RBFOX1: variants seen among roughly 807,000 people sequenced by gnomAD.
RBFOX1 encodes RNA binding fox-1 homolog 1.
In RBFOX1, 8 loss-of-function variants were observed where a neutral mutation model predicts 57.7. That is an observed-to-expected ratio of 0.14 (90% CI 0.08 to 0.25). The LOEUF (loss-of-function observed/expected upper bound fraction) is 0.25. RBFOX1 is among the 10% of genes least tolerant of loss of function. The pLI is 1.00. For missense variants in RBFOX1, 611 were observed against 548.5 expected, an observed-to-expected ratio of 1.11 and a Z score of -1.14; for synonymous variants, 326 against 222.4, an observed-to-expected ratio of 1.47 and a Z score of -4.15.
chr16:7,281,760 A>G (rs1358373750), intron 4 of RBFOX1, among the ~76,000 whole-genome samples: 1 of 152,130 alleles, frequency 6.6e-6, no homozygotes, highest in Non-Finnish European at 1.5e-5. Context: ...AGTTTGCTTG[A>G]GTTTGAATCC....
At chr16:6,605,235 A>G (rs1428605912) in intron 2 of RBFOX1, among the ~76,000 whole-genome samples, 3 of 150,030 alleles carry the variant, frequency 2.0e-5, no homozygotes, top group Non-Finnish European at 2.9e-5. Context: ...CTCTCTCAAA[A>G]TAAAATAATA....
At position 6,842,539 on chromosome 16, in the gene RBFOX1, A is replaced by G. The variant is rs181073843; in HGVS notation, c.-16+187889A>G. On this transcript the variant is annotated intron_variant, in intron 3 of 15. Transcript: ENST00000550418. ...TCCTGCCCTTTTCAGCTTGATGAAT[A>G]TCTGTATCAACTTTTTAATGGCTCT... is the stretch of plus-strand genomic sequence containing the variant. Among the ~76,000 whole-genome samples, 12 of 151,992 alleles carry G rather than the reference A, an allele frequency of 7.9e-5. No individual in the cohort carries two copies. In the East Asian group the frequency reaches 2.3e-3, roughly 29 times the overall value.
intron 1 of RBFOX1, chr16:5,289,356 A>G: frequency 3.0e-5 from 12 of 394,612 alleles, no homozygotes; most frequent in Admixed American, 8.5e-5. Context: ...GAGGAGGAGG[A>G]GGGCCCATCA....
In RBFOX1 at chr16:5,536,767, T is replaced by A. The variant is rs189483881; in HGVS notation, c.259-62135T>A. 2.6e-3 allele frequency among the ~76,000 whole-genome samples: 399 copies of A among 151,884 alleles called. 3 individuals are homozygous for A. Among genetic ancestry groups the A allele is most frequent in the African/African-American group, 9.2e-3 (382 of 41,396 alleles). On this transcript the variant is annotated intron_variant, in intron 2 of 2. Coordinates refer to the RBFOX1 transcript ENST00000585867. ...GTGGTTGAATGAGGGATGTAACATCTTATTGTAATATGTGGGGGAAAACAG... is the reference window on the plus strand; with the variant it reads ...GTGGTTGAATGAGGGATGTAACATCATATTGTAATATGTGGGGGAAAACAG...
At chr16:7,291,846 A>G (rs2095782800) in intron 4 of RBFOX1, among the ~76,000 whole-genome samples, 1 of 149,398 alleles carries the variant, frequency 6.7e-6, no homozygotes. Flanking sequence ...CAAGTGTGTA[A>G]AGAGTATCAT....
chr16:7,311,194 T>C (rs2096298161), intron 4 of RBFOX1, among the ~76,000 whole-genome samples: 1 of 152,186 alleles, frequency 6.6e-6, no homozygotes, highest in Non-Finnish European at 1.5e-5. Flanking sequence ...ACTGGGAAAC[T>C]GCTGTGGTCC....
intron 3 of RBFOX1, among the ~76,000 whole-genome samples, chr16:6,675,406 G>C (rs946443349): frequency 6.6e-6 from 1 of 152,038 alleles, no homozygotes; most frequent in Non-Finnish European, 1.5e-5. Context: ...ATTCAGGTGG[G>C]CTCTTCCCAA....
intron 2 of RBFOX1, among the ~76,000 whole-genome samples, chr16:6,522,729 G>C (rs1404510957): frequency 6.6e-6 from 1 of 152,124 alleles, no homozygotes; most frequent in African/African-American, 2.4e-5. Flanking sequence ...TTTGGTAAAG[G>C]AGACTGAATT....
In RBFOX1 at chr16:7,082,560, T is replaced by TG. The variant is rs1185955855; in HGVS notation, c.27+30462_27+30463insG. On this transcript the variant is annotated intron_variant, in intron 4 of 15. Coordinates refer to ENST00000550418, the MANE Select transcript of RBFOX1 (RefSeq NM_018723.4). ...CTGGGTGACAGAGTGAGACCATGTC[T>TG]CAAAAAAAAAAAAATAAAAATTAAA... is the stretch of plus-strand genomic sequence containing the variant. Among the ~76,000 whole-genome samples the TG allele has an allele frequency of 2.7e-3, 395 of 146,552 alleles. 2 individuals are homozygous for TG. Among genetic ancestry groups the TG allele is most frequent in the African/African-American group, 9.4e-3 (366 of 39,058 alleles).
intron 4 of RBFOX1, among the ~76,000 whole-genome samples, chr16:7,468,794 G>A (rs941005102): frequency 6.6e-6 from 1 of 152,144 alleles, no homozygotes; most frequent in Non-Finnish European, 1.5e-5. Flanking sequence ...CAAGCATCAA[G>A]AGCAAACTCT....
At chr16:7,280,531 A>G (rs958114622) in intron 4 of RBFOX1, among the ~76,000 whole-genome samples, 2 of 152,124 alleles carry the variant, frequency 1.3e-5, no homozygotes, top group African/African-American at 2.4e-5. Context: ...CCACATGGAG[A>G]TCATCATGTG....
chr16:6,554,725 GACACAC>G (rs34699308), intron 2 of RBFOX1, among the ~76,000 whole-genome samples: 17,288 of 148,156 alleles, frequency 0.12, 1,959 homozygotes, highest in African/African-American at 0.3. Flanking sequence ...AGTAGACACA[GACACAC>G]ACACACACAC....
At chr16:6,941,408 A>T (rs1054828517) in intron 3 of RBFOX1, among the ~76,000 whole-genome samples, 4 of 148,464 alleles carry the variant, frequency 2.7e-5, no homozygotes, top group African/African-American at 1.0e-4. Flanking sequence ...CAGTTTTCTC[A>T]TTTGGAATAT....
chr16:6,026,121 C>T (rs753415995), intron 1 of RBFOX1, among the ~76,000 whole-genome samples: 1 of 152,114 alleles, frequency 6.6e-6, no homozygotes. Context: ...TTGCCTGTGT[C>T]GATTCTCGTT....
At chr16:7,350,792 A>G (rs968481969) in intron 4 of RBFOX1, among the ~76,000 whole-genome samples, 6 of 152,138 alleles carry the variant, frequency 3.9e-5, no homozygotes, top group South Asian at 2.1e-4. Context: ...GTGTTAATGG[A>G]ATGAGAGGTA....
intron 3 of RBFOX1, among the ~76,000 whole-genome samples, chr16:6,876,641 A>G (rs541286296): frequency 1.3e-5 from 2 of 151,660 alleles, no homozygotes; most frequent in African/African-American, 4.8e-5. Context: ...TTTTTTTTCT[A>G]AGAGTACATT....
intron 4 of RBFOX1, among the ~76,000 whole-genome samples, chr16:7,155,732 TATATATACACAC>T (rs1339809269): frequency 2.2e-5 from 2 of 89,442 alleles, no homozygotes; most frequent in Admixed American, 1.1e-4. Flanking sequence ...TATATATATA[TATATATACACAC>T]ACACACACAC....
intron 3 of RBFOX1, among the ~76,000 whole-genome samples, chr16:6,737,464 CAT>C (rs1424937860): frequency 6.6e-6 from 1 of 152,174 alleles, no homozygotes; most frequent in Non-Finnish European, 1.5e-5. Context: ...AAAGAACAGA[CAT>C]GTTACTCCTT....
chr16:6,508,929 G>A (rs941028450), intron 2 of RBFOX1, among the ~76,000 whole-genome samples: 1 of 151,676 alleles, frequency 6.6e-6, no homozygotes, highest in Non-Finnish European at 1.5e-5. Context: ...TTCATTATCT[G>A]TGCCTCAGGT....
Sources: gnomAD v4.1 joint callset for allele counts (sites outside exome capture counted in the v4.1 genomes callset) on GRCh38, gnomAD v4.1.1 for gene constraint, MANE v1.5 for transcripts, NCBI Gene and HGNC (gene_info 2026-07-23, HGNC 2026-07-21) for gene names.